NAV2: variants seen among roughly 807,000 people sequenced by gnomAD.
The protein encoded by NAV2 is neuron navigator 2, also known as helicase, APC down-regulated 1.
A neutral mutation model predicts 223.2 loss-of-function variants in NAV2; 54 were observed. The observed-to-expected ratio is 0.24, with a 90% confidence interval of 0.19 to 0.30. The LOEUF (loss-of-function observed/expected upper bound fraction) is 0.30. Among genes scored for constraint, NAV2 ranks in the 10% least tolerant of loss-of-function variants. The pLI is 1.00. For synonymous variants in NAV2, 1,279 were observed against 1,239.3 expected, an observed-to-expected ratio of 1.03 and a Z score of -0.67; for missense variants, 2,806 against 3,147.5, an observed-to-expected ratio of 0.89 and a Z score of 2.60.
At chr11:19,355,567 T>C (rs1281337759) in intron 1 of NAV2, among the ~76,000 whole-genome samples, 3 of 152,200 alleles carry the variant, frequency 2.0e-5, no homozygotes, top group Non-Finnish European at 4.4e-5. Flanking sequence ...CAGAATTGTT[T>C]GACCTTCTCC....
rs535402840 is a variant in NAV2, at chr11:19,824,575, T to C, written c.268-7909T>C. ...CCAGTGTGTAGGGCTGGGGACACCA[T>C]TTCACCTATTTGACTATTGTAAGGA... On this transcript the variant is annotated intron_variant, in intron 1 of 37. Transcript: ENST00000349880. Among the ~76,000 whole-genome samples the C allele has an allele frequency of 7.9e-5, 12 of 152,276 alleles. No individual in the cohort carries two copies. In the South Asian group the frequency reaches 2.3e-3, roughly 29 times the overall value.
rs79349529 is a variant in NAV2 at position 19,899,117 on chromosome 11, G to A, written c.931+6523G>A. Among the ~76,000 whole-genome samples the A allele has an allele frequency of 4.2e-4, 64 of 152,206 alleles. No homozygotes were observed. In the East Asian group the frequency reaches 0.011, roughly 26 times the overall value. On this transcript the variant is annotated intron_variant, in intron 6 of 37. Transcript: ENST00000349880. ...CTGGCTATTGCACCTCATCTGATGGGAGCGCCATCCGTGATCCATGCTTTC... is the reference window on the plus strand; with the variant it reads ...CTGGCTATTGCACCTCATCTGATGGAAGCGCCATCCGTGATCCATGCTTTC...
chr11:19,974,870 A>G (rs964510842), intron 10 of NAV2, among the ~76,000 whole-genome samples: 6 of 152,246 alleles, frequency 3.9e-5, no homozygotes, highest in Non-Finnish European at 8.8e-5. Flanking sequence ...CTTAAAAAGT[A>G]AAGTCTGTTT....
chr11:19,433,420 A>T (rs1851104332), intron 1 of NAV2, among the ~76,000 whole-genome samples: 1 of 152,158 alleles, frequency 6.6e-6, no homozygotes, highest in Non-Finnish European at 1.5e-5. Context: ...CAAGCATGAG[A>T]TCCTTGGCTT....
At chr11:20,053,110 C>T (rs1033178751) in intron 17 of NAV2, among the ~76,000 whole-genome samples, 5 of 148,082 alleles carry the variant, frequency 3.4e-5, no homozygotes, top group African/African-American at 7.5e-5. Flanking sequence ...CCCAGCTACT[C>T]GGGAGGCTGA....
At chr11:19,788,094 C>T (rs958956622) in intron 1 of NAV2, among the ~76,000 whole-genome samples, 2 of 152,198 alleles carry the variant, frequency 1.3e-5, no homozygotes, top group Non-Finnish European at 2.9e-5. Context: ...CTTTCCCCCA[C>T]CTCAGTCTTC....
chr11:19,384,157 A>G (rs534414378), intron 1 of NAV2, among the ~76,000 whole-genome samples: 53 of 152,390 alleles, frequency 3.5e-4, no homozygotes, highest in African/African-American at 1.2e-3. Context: ...TTCCATGAAC[A>G]CATTTTTAAA....
At chr11:19,662,991 T>G (rs2135743099) in intron 1 of NAV2, among the ~76,000 whole-genome samples, 1 of 152,284 alleles carries the variant, frequency 6.6e-6, no homozygotes, top group East Asian at 1.9e-4. Flanking sequence ...AGTCAGTTCT[T>G]GATTGGGGAG....
intron 1 of NAV2, among the ~76,000 whole-genome samples, chr11:19,415,868 G>A (rs953371999): frequency 2.0e-5 from 3 of 152,106 alleles, no homozygotes; most frequent in African/African-American, 4.8e-5. Context: ...AGTAGATGCA[G>A]AAAAGGCCTT....
intron 26 of NAV2, among the ~76,000 whole-genome samples, chr11:20,087,699 C>A (rs2060544373): frequency 6.6e-6 from 1 of 152,144 alleles, no homozygotes; most frequent in Non-Finnish European, 1.5e-5. Flanking sequence ...AGTGGACAAG[C>A]ATGTATTGAG....
At chr11:19,796,453 T>C (rs1221290578) in intron 1 of NAV2, among the ~76,000 whole-genome samples, 1 of 152,210 alleles carries the variant, frequency 6.6e-6, no homozygotes, top group East Asian at 1.9e-4. Context: ...CTTGGTGCCA[T>C]ATATTGTACT....
intron 22 of NAV2, among the ~76,000 whole-genome samples, chr11:20,075,379 A>G (rs887226748): frequency 2.0e-5 from 3 of 151,302 alleles, no homozygotes; most frequent in Non-Finnish European, 4.4e-5. Context: ...GCCCACCACC[A>G]TGCCCAGCTA....
chr11:19,763,762 G>C (rs1222132457), intron 1 of NAV2, among the ~76,000 whole-genome samples: 1 of 151,068 alleles, frequency 6.6e-6, no homozygotes, highest in Non-Finnish European at 1.5e-5. Context: ...AGTGGAAAAA[G>C]ATTAGCGTTG....
At chr11:19,843,001 A>G in intron 3 of NAV2, 78 bp downstream of exon 3, 2 of 1,209,342 alleles carry the variant, frequency 1.7e-6, no homozygotes, top group Non-Finnish European at 2.4e-6. Context: ...CATCTTGAAA[A>G]CATTCATACC....
intron 5 of NAV2, among the ~76,000 whole-genome samples, chr11:19,890,574 C>T (rs2041422730): frequency 2.0e-5 from 3 of 152,314 alleles, no homozygotes; most frequent in African/African-American, 7.2e-5. Context: ...GTCCATAATC[C>T]TTTTCTAGGC....
At chr11:19,532,514 G>A (rs369165564) in intron 1 of NAV2, among the ~76,000 whole-genome samples, 107 of 152,260 alleles carry the variant, frequency 7.0e-4, no homozygotes, top group Middle Eastern at 3.4e-3. Flanking sequence ...ACTACTAGCT[G>A]CAGTACTTTG....
intron 1 of NAV2, among the ~76,000 whole-genome samples, chr11:19,769,530 C>T (rs902001986): frequency 6.6e-5 from 10 of 152,160 alleles, no homozygotes; most frequent in Non-Finnish European, 1.2e-4. Flanking sequence ...GGACCAGACC[C>T]AGAGTGCCAG....
At chr11:19,691,567 A>G (rs767949107) in intron 1 of NAV2, among the ~76,000 whole-genome samples, 1 of 151,694 alleles carries the variant, frequency 6.6e-6, no homozygotes, top group Admixed American at 6.6e-5. Context: ...TTTTATTTTT[A>G]TTTATTTATT....
chr11:20,070,070 C>T (rs1272073878), intron 22 of NAV2, among the ~76,000 whole-genome samples: 1 of 152,196 alleles, frequency 6.6e-6, no homozygotes, highest in Non-Finnish European at 1.5e-5. Context: ...TTCTTTACCT[C>T]TTCTGCCACC....
Sources: gnomAD v4.1 joint callset for allele counts (sites outside exome capture counted in the v4.1 genomes callset) on GRCh38, gnomAD v4.1.1 for gene constraint, MANE v1.5 for transcripts, NCBI Gene and HGNC (gene_info 2026-07-23, HGNC 2026-07-21) for gene names.